Variants in PPP2R5C observed in about 807,000 individuals in gnomAD.
PPP2R5C encodes serine/threonine-protein phosphatase 2A 56 kDa regulatory subunit gamma isoform.
Under a neutral mutation model 68.9 loss-of-function variants are expected in PPP2R5C, and 7 were observed. The observed-to-expected ratio is 0.10, with a 90% CI of 0.06 to 0.19. The LOEUF is 0.19. Ranked by LOEUF, PPP2R5C falls within the 10% of genes least tolerant of loss-of-function variation. The probability of loss-of-function intolerance (pLI) is 1.00; values close to 1 mark genes in which losing one functional copy is unlikely to be tolerated. For synonymous variants in PPP2R5C, 210 were observed against 222.2 expected (o/e 0.95, Z 0.49); for missense variants, 348 against 641.3 (o/e 0.54, Z 4.94).
At chr14:101,836,856 T>C (rs1201810867) in intron 1 of PPP2R5C, among the ~76,000 whole-genome samples, 1 of 152,184 alleles carries the variant, frequency 6.6e-6, no homozygotes, top group Admixed American at 6.5e-5. Context: ...AAAACAATAA[T>C]GAAACAGGGT....
chr14:101,916,423 G>A lies in PPP2R5C; in HGVS notation c.1327-1408G>A, dbSNP rs1484631784. Reference sequence around the variant, plus strand: ...TGAATAAGGAGGGACAGAGGGTGTGGGAAAAGGCCGAAGACAGCCCACAGA... The same window carrying A: ...TGAATAAGGAGGGACAGAGGGTGTGAGAAAAGGCCGAAGACAGCCCACAGA... On this transcript the variant is annotated intron_variant, in intron 12 of 13. Coordinates refer to ENST00000334743, the Ensembl canonical transcript of PPP2R5C. The surrounding 1 kb of genome is among the most constrained non-coding windows in gnomAD (Gnocchi z 5.5). Among the ~76,000 whole-genome samples, 1 of 152,144 alleles carries A rather than the reference G, an allele frequency of 6.6e-6. No individual in the cohort carries two copies. Among genetic ancestry groups the A allele is most frequent in the Non-Finnish European group, 1.5e-5 (1 of 68,014 alleles).
At chr14:101,874,452 A>G (rs188022554) in intron 2 of PPP2R5C, among the ~76,000 whole-genome samples, 1 of 152,358 alleles carries the variant, frequency 6.6e-6, no homozygotes, top group East Asian at 1.9e-4. Context: ...AATCTATACG[A>G]AACTAATCTT....
intron 3 of PPP2R5C, among the ~76,000 whole-genome samples, chr14:101,787,345 G>T (rs1435775274): frequency 6.6e-6 from 1 of 152,152 alleles, no homozygotes; most frequent in Admixed American, 6.5e-5. Flanking sequence ...AAAGCAGATA[G>T]CAGATTTGCC....
chr14:101,812,539 T>C (rs1271292933), intron 1 of PPP2R5C, among the ~76,000 whole-genome samples: 1 of 152,194 alleles, frequency 6.6e-6, no homozygotes, highest in Admixed American at 6.5e-5. Flanking sequence ...TTGTGTTGTT[T>C]TGTTTTGGAT....
intron 2 of PPP2R5C, chr14:101,766,020 G>T (rs1471680651): frequency 6.6e-6 from 1 of 152,278 alleles, no homozygotes; most frequent in Non-Finnish European, 1.5e-5. Context: ...GCAGGGACCT[G>T]TCCAGGGCAG....
In PPP2R5C at chr14:101,845,224, T is replaced by C. The variant is rs1379950219; in HGVS notation, c.95-11462T>C. 3.9e-5 allele frequency among the ~76,000 whole-genome samples: 6 copies of C among 152,328 alleles called. No individual in the cohort carries two copies. The East Asian group carries it at 1.2e-3, about 29-fold the overall frequency. On this transcript the variant is annotated intron_variant, in intron 1 of 13. Transcript: ENST00000334743. ...CTGCAGCCGGAGTGAAGGTTCATTC[T>C]GAATGTGCATGTGTGTCCACAGGAG...
At chr14:101,878,161 C>T (rs1225254290) in intron 2 of PPP2R5C, among the ~76,000 whole-genome samples, 1 of 152,204 alleles carries the variant, frequency 6.6e-6, no homozygotes, top group African/African-American at 2.4e-5. Context: ...CTTACAAAGA[C>T]ACTAATCCTG....
At chr14:101,896,422 G>A (rs569162206) in intron 8 of PPP2R5C, among the ~76,000 whole-genome samples, 34 of 151,946 alleles carry the variant, frequency 2.2e-4, no homozygotes, top group African/African-American at 6.0e-4. Context: ...TCTTTTCAGC[G>A]CTTGTTGACC....
intron 7 of PPP2R5C, 46 bp downstream of exon 9, chr14:101,893,154 C>A: frequency 2.3e-6 from 3 of 1,300,952 alleles, no homozygotes; most frequent in South Asian, 1.2e-5. Context: ...GGCATTTGAT[C>A]AGGATTGAAC....
At position 101,764,801 on chromosome 14, in the gene PPP2R5C, CTTTT is replaced by C. The variant is rs34973768; in HGVS notation, c.93+1846_93+1849del. Among the ~76,000 whole-genome samples, 708 of 129,366 alleles carry C rather than the reference CTTTT, an allele frequency of 5.5e-3. 3 individuals carry two copies. Among genetic ancestry groups the C allele is most frequent in the African/African-American group, 0.018 (621 of 34,250 alleles). The allele number at this position is 129,366 out of a possible 152,430, so 84.9% of individuals were successfully genotyped here. A position where few individuals can be genotyped will look rare whatever the true frequency, so the allele number is the denominator to read the frequency against. On this transcript the variant is annotated intron_variant, in intron 2 of 14. Coordinates refer to the PPP2R5C transcript ENST00000328724. Reference sequence around the variant, plus strand: ...CTTTATGAAGGTATATGCTATATGCCTTTTTTTTTTTTTTTTTTGGTCTTTTGAT... The same window carrying C: ...CTTTATGAAGGTATATGCTATATGCCTTTTTTTTTTTTTTGGTCTTTTGAT...
chr14:101,850,151 G>T (rs763719347), intron 1 of PPP2R5C, among the ~76,000 whole-genome samples: 2 of 152,158 alleles, frequency 1.3e-5, no homozygotes, highest in Non-Finnish European at 2.9e-5. Context: ...CCTCTGAGTC[G>T]GGGATGGGTG....
chr14:101,790,348 G>A (rs914784643), intron 3 of PPP2R5C, among the ~76,000 whole-genome samples: 5 of 152,126 alleles, frequency 3.3e-5, no homozygotes, highest in African/African-American at 7.2e-5. Flanking sequence ...TTGTGCAACC[G>A]TCACCACAAT....
chr14:101,909,717 GT>G (rs1000608179), intron 11 of PPP2R5C, 27 bp downstream of exon 13: 2 of 1,506,562 alleles, frequency 1.3e-6, no homozygotes, highest in East Asian at 4.5e-5. Flanking sequence ...ACAAGTTACT[GT>G]TTCCAGGATT....
intron 1 of PPP2R5C, among the ~76,000 whole-genome samples, chr14:101,844,553 G>A (rs939785689): frequency 2.0e-5 from 3 of 152,294 alleles, no homozygotes; most frequent in African/African-American, 4.8e-5. Flanking sequence ...CGGGCTGGAC[G>A]TCATTTGAAG....
At chr14:101,763,635 C>G (rs1413599727) in intron 2 of PPP2R5C, among the ~76,000 whole-genome samples, 1 of 152,282 alleles carries the variant, frequency 6.6e-6, no homozygotes, top group East Asian at 1.9e-4. Flanking sequence ...CCCACCTTGG[C>G]CTCCTAAGGT....
intron 2 of PPP2R5C, among the ~76,000 whole-genome samples, chr14:101,861,091 C>T (rs1352585511): frequency 6.6e-6 from 1 of 152,150 alleles, no homozygotes; most frequent in African/African-American, 2.4e-5. Flanking sequence ...CTGATAGTCA[C>T]AATACCAGTA....
chr14:101,839,983 A>G (rs1413112735), intron 1 of PPP2R5C, among the ~76,000 whole-genome samples: 2 of 151,410 alleles, frequency 1.3e-5, no homozygotes, highest in African/African-American at 4.9e-5. Context: ...AGCATGTATT[A>G]TTTTTCTGAA....
At chr14:101,779,322 A>G (rs2037564036) in intron 2 of PPP2R5C, among the ~76,000 whole-genome samples, 1 of 152,174 alleles carries the variant, frequency 6.6e-6, no homozygotes, top group African/African-American at 2.4e-5. Context: ...AGAAGCAGAC[A>G]TGGGATTCCA....
At position 101,901,832 on chromosome 14, in the gene PPP2R5C, G is replaced by C. The variant is rs2045710894; in HGVS notation, c.966G>C (p.Lys322Asn). 15 of 1,614,220 alleles carry C rather than the reference G, an allele frequency of 9.3e-6. No individual in the cohort carries two copies. The highest frequency in any genetic ancestry group is 1.3e-5 in the Non-Finnish European group (15 of 1,180,036). ...TCATTGAACCATCAGAATTTGTGAA[G>C]ATCATGGAACCCCTCTTCCGGCAGT... Residue 322 changes from lysine (K) to asparagine (N), a missense_variant, in exon 9 of 14, where the codon AAG (lysine) becomes AAC (asparagine). By Grantham distance (94) the Lys-to-Asn change is moderately conservative (BLOSUM62 0). This residue lies in a region of PPP2R5C where 101 missense variants were observed against 209.8 expected (regional missense o/e 0.48). Transcript: ENST00000334743.
Sources: gnomAD v4.1 joint callset for allele counts (sites outside exome capture counted in the v4.1 genomes callset) on GRCh38, gnomAD v4.1.1 for gene constraint, gnomAD v4.1.1 regional missense constraint, Gnocchi (gnomAD v3.1) non-coding constraint, MANE v1.5 for transcripts, NCBI Gene and HGNC (gene_info 2026-07-23, HGNC 2026-07-21) for gene names.